Variants in BYSL observed in about 807,000 individuals in gnomAD.
BYSL encodes the protein bystin.
BYSL carries 21 observed loss-of-function variants against 45.4 expected under a neutral mutation model. The ratio of observed to expected loss-of-function variants is 0.46; its 90% CI spans 0.33 to 0.67. The LOEUF (loss-of-function observed/expected upper bound fraction) is 0.67, where lower values mean the gene tolerates loss of function less well. BYSL is among the 30% of genes least tolerant of loss of function. BYSL has a pLI of 0.02. For synonymous variants in BYSL, 215 were observed against 231.3 expected, an observed-to-expected ratio of 0.93 and a Z score of 0.64; for missense variants, 522 against 578.5, an observed-to-expected ratio of 0.90 and a Z score of 1.00.
chr6:41,931,850 A>G lies in BYSL; in HGVS notation c.968+20A>G. ...CTCCAGGTAGTATTGCTGGGGGTGG[A>G]AGGGGGCTGGTCAGTGGATATCCAG... On this transcript the variant is annotated intron_variant, in intron 6 of 6. Coordinates refer to ENST00000230340, the MANE Select transcript of BYSL (RefSeq NM_004053.4). 6.2e-7 allele frequency: 1 copy of G among 1,600,614 alleles called. No homozygotes were observed. Among genetic ancestry groups the G allele is most frequent in the Non-Finnish European group, 8.6e-7 (1 of 1,167,828 alleles).
At chr6:41,909,720 G>A in the BYSL span, among the ~76,000 whole-genome samples, 2 of 152,298 alleles carry the variant, frequency 1.3e-5, no homozygotes, top group African/African-American at 4.8e-5. Flanking sequence ...GAGGCAGCAT[G>A]TGGTAAAACC....
chr6:41,931,059 T>A (rs1200724981), intron 4 of BYSL, among the ~76,000 whole-genome samples: 1 of 94,630 alleles, frequency 1.1e-5, no homozygotes, highest in Non-Finnish European at 2.2e-5. Context: ...TTATAGCCAC[T>A]GGGATACAAC....
Position 41,932,986 on chromosome 6 carries a change from T to C in BYSL, c.*280T>C. The C allele has an allele frequency of 4.6e-6, 2 of 434,298 alleles. No individual in the cohort carries two copies. Among genetic ancestry groups the C allele is most frequent in the South Asian group, 3.2e-5 (1 of 30,796 alleles). 26.9% of individuals were successfully genotyped at this position (434,298 alleles called of 1,614,324 possible). On this transcript the variant is annotated 3_prime_UTR_variant, in exon 7 of 7. Transcript: ENST00000230340. The surrounding 1 kb of genome is among the most constrained non-coding windows in gnomAD (Gnocchi z 4.7). ...CCCAGCTGGGGCTTGGTGTGAGTAC[T>C]TTTTCTATGGCTATTGTGTCAGGTC...
chr6:41,930,150 C>T lies in BYSL; in HGVS notation c.450C>T (p.Ile150=). Residue 150 remains isoleucine (I), a synonymous_variant, in exon 3 of 7, where the codon ATC becomes ATT. Transcript: ENST00000230340. ...NPPARRTLAD[I]IMEKLTEKQT... is the part of the protein sequence containing the mutation. ...CTCTTAGGCGCACCCTGGCTGACAT[C>T]ATCATGGAGAAGCTGACTGAGAAGC... The T allele has an allele frequency of 6.2e-7, 1 of 1,614,090 alleles. No homozygotes were observed. Among genetic ancestry groups the T allele is most frequent in the Non-Finnish European group, 8.5e-7 (1 of 1,179,956 alleles).
upstream of BYSL, chr6:41,917,016 A>C (rs1026933122): frequency 4.0e-6 from 6 of 1,506,138 alleles, no homozygotes; most frequent in African/African-American, 8.2e-5. Context: ...CGCCCACAGC[A>C]TCACAGCTCA....
the BYSL span, among the ~76,000 whole-genome samples, chr6:41,914,191 T>C: frequency 2.0e-5 from 3 of 152,106 alleles, no homozygotes; most frequent in Non-Finnish European, 4.4e-5. Context: ...AAAGAAAATA[T>C]GTGCTGTTGT....
At chr6:41,924,900 G>A (rs768915264) in intron 1 of BYSL, among the ~76,000 whole-genome samples, 2 of 152,292 alleles carry the variant, frequency 1.3e-5, no homozygotes, top group East Asian at 1.9e-4. Flanking sequence ...AGTCTATGAG[G>A]TAAAATTGAA....
chr6:41,927,668 C>A, intron 2 of BYSL, 132 bp downstream of exon 2: 1 of 1,104,656 alleles, frequency 9.1e-7, no homozygotes. Flanking sequence ...ACCACCTTGA[C>A]AAAACTGGCC....
At chr6:41,921,144 A>C, upstream of BYSL, 2 of 1,287,162 alleles carry the variant, frequency 1.6e-6, no homozygotes, top group Non-Finnish European at 2.1e-6. Context: ...AAATACGTAA[A>C]AACAGAGCGC....
chr6:41,911,484 A>G, the BYSL span, among the ~76,000 whole-genome samples: 2 of 152,140 alleles, frequency 1.3e-5, no homozygotes, highest in Non-Finnish European at 2.9e-5. Context: ...AAGACCACAA[A>G]ATAAAACAAG....
chr6:41,921,640 G>A lies in BYSL; in HGVS notation c.78G>A (p.Gly26=), dbSNP rs1775475609. The change falls in exon 1 of 7, where the codon GGG becomes GGA. Residue 26 remains glycine (G), a synonymous_variant. Coordinates refer to ENST00000230340, the MANE Select transcript of BYSL (RefSeq NM_004053.4). The part of the protein sequence containing the change: ...HAPLADQILA[G]NAVRAGVREK... ...CCCTGGCCGATCAGATCCTGGCTGG[G>A]AATGCGGTGCGGGCGGGGGTCCGGG... 6.2e-7 allele frequency: 1 copy of A among 1,613,650 alleles called. No individual in the cohort carries two copies. The highest frequency in any genetic ancestry group is 8.5e-7 in the Non-Finnish European group (1 of 1,179,860).
Position 41,921,541 on chromosome 6 carries a change from C to T in BYSL, c.-22C>T, listed in dbSNP as rs1485988749. ...TCTTCAGTCCCCACGTGCGATCCTT[C>T]CCGGCAACTTTTTCGAGAAAAATGC... On this transcript the variant is annotated 5_prime_UTR_variant, in exon 1 of 7. Transcript: ENST00000230340. The T allele has an allele frequency of 6.4e-7, 1 of 1,551,728 alleles. No individual in the cohort carries two copies. Among genetic ancestry groups the T allele is most frequent in the Admixed American group, 1.9e-5 (1 of 53,038 alleles).
At chr6:41,918,685 C>T (rs1775379367), upstream of BYSL, among the ~76,000 whole-genome samples, 1 of 151,764 alleles carries the variant, frequency 6.6e-6, no homozygotes, top group East Asian at 1.9e-4. Context: ...CGGTGGCTCA[C>T]GCCTGTAATC....
the BYSL span, chr6:41,909,241 C>T: frequency 6.2e-7 from 1 of 1,606,986 alleles, no homozygotes; most frequent in Non-Finnish European, 8.5e-7. Flanking sequence ...CTCAGAACAT[C>T]CTGCTCCTAT....
rs755907731 is a variant in BYSL, at chr6:41,921,718, C to G, written c.156C>G (p.Pro52=). The G allele has an allele frequency of 6.2e-7, 1 of 1,613,444 alleles. No homozygotes were observed. The highest frequency in any genetic ancestry group is 8.5e-7 in the Non-Finnish European group (1 of 1,179,848). Residue 52 remains proline (P), a synonymous_variant, in exon 1 of 7, where the codon CCC becomes CCG. Coordinates refer to ENST00000230340, the MANE Select transcript of BYSL (RefSeq NM_004053.4). ...TGEAEEEYVG[P]RLSRRILQQA... is the part of the protein sequence containing the mutation. ...AAGCGGAGGAAGAGTATGTGGGGCC[C>G]CGGCTGAGCCGACGGATTTTGCAGC...
At chr6:41,924,736 T>G (rs1435886644) in intron 1 of BYSL, among the ~76,000 whole-genome samples, 2 of 152,122 alleles carry the variant, frequency 1.3e-5, no homozygotes, top group Non-Finnish European at 2.9e-5. Context: ...AAATCAAATA[T>G]GTGTTTCTGG....
Position 41,930,634 on chromosome 6 carries a change from G to T in BYSL, c.571-1G>T. On this transcript the variant is annotated splice_acceptor_variant, in intron 3 of 6. Transcript: ENST00000230340. LOFTEE classifies it high-confidence loss of function. ...GATTGTTTTACCTCCCTCATCCCTA[G>T]GTATTATCTAAGTACCGCAGTGGAA... is the stretch of plus-strand genomic sequence containing the variant. 1 of 1,607,926 alleles carries T rather than the reference G, an allele frequency of 6.2e-7. No individual in the cohort carries two copies. Among genetic ancestry groups the T allele is most frequent in the Non-Finnish European group, 8.5e-7 (1 of 1,177,896 alleles).
the BYSL span, chr6:41,909,596 C>T: frequency 1.9e-6 from 3 of 1,569,228 alleles, no homozygotes; most frequent in East Asian, 4.5e-5. Context: ...AAATGACTCC[C>T]CCCGGAATGA....
chr6:41,921,707 T>C lies in BYSL; in HGVS notation c.145T>C (p.Tyr49His). The C allele has an allele frequency of 6.2e-7, 1 of 1,607,772 alleles. No individual in the cohort carries two copies. The highest frequency in any genetic ancestry group is 8.5e-7 in the Non-Finnish European group (1 of 1,178,096). ...GRGTGEAEEE[Y>H]VGPRLSRRIL... is the part of the protein sequence containing the mutation. ...CGGGACAGGAGAAGCGGAGGAAGAG[T>C]ATGTGGGGCCCCGGCTGAGCCGACG... Residue 49 changes from tyrosine to histidine, a missense_variant, in exon 1 of 7, where the codon TAT becomes CAT. Tyr to His is a moderately conservative substitution (Grantham distance 83). Transcript: ENST00000230340.
Sources: allele counts gnomAD v4.1 joint callset (sites outside exome capture counted in the v4.1 genomes callset), GRCh38; gene constraint gnomAD v4.1.1; non-coding constraint Gnocchi (gnomAD v3.1); transcripts MANE v1.5; gene names NCBI Gene and HGNC (gene_info 2026-07-23, HGNC 2026-07-21).